The following NIBAN2 variants were observed in gnomAD, a reference collection of about 807,000 sequenced individuals.
NIBAN2 encodes the protein niban apoptosis regulator 2, also known as protein Niban 2.
In NIBAN2, 36 loss-of-function variants were observed where a neutral mutation model predicts 81.8. That is an observed-to-expected ratio of 0.44 (90% CI 0.34 to 0.58). The LOEUF is 0.58. NIBAN2 is among the 20% of genes least tolerant of loss of function. The probability of loss-of-function intolerance (pLI) is 0.02; values close to 1 mark genes in which losing one functional copy is unlikely to be tolerated. For synonymous variants in NIBAN2, 445 were observed against 441.6 expected (o/e 1.01, Z -0.10); for missense variants, 897 against 1,014.1 (o/e 0.88, Z 1.57).
rs1264614319 is a variant in NIBAN2 at position 127,559,950 on chromosome 9, A to G, written c.55+8870T>C. ...CTCACCGACCCTGCACAACAGCCTC[A>G]GGGGCCTGGGATACTGCTGTGTCCA... On this transcript the variant is annotated intron_variant, in intron 1 of 13. Coordinates refer to ENST00000373312, the MANE Select transcript of NIBAN2 (RefSeq NM_022833.4). This position sits in a 1 kb window ranked among gnomAD's most constrained non-coding sequence, Gnocchi z 4.0. Among the ~76,000 whole-genome samples, 2 of 152,198 alleles carry G rather than the reference A, an allele frequency of 1.3e-5. No individual in the cohort carries two copies. The highest frequency in any genetic ancestry group is 6.5e-5 in the Admixed American group (1 of 15,284).
Position 127,569,050 on chromosome 9 carries a change from C to G in NIBAN2, c.-176G>C. 1 of 1,092,882 alleles carries G rather than the reference C, an allele frequency of 9.2e-7. No individual in the cohort carries two copies. Among genetic ancestry groups the G allele is most frequent in the Non-Finnish European group, 1.1e-6 (1 of 900,622 alleles). 67.7% of individuals were successfully genotyped at this position (1,092,882 alleles called of 1,614,324 possible). On this transcript the variant is annotated 5_prime_UTR_variant, in exon 1 of 14. Transcript: ENST00000373312. ...GCTCCGGCTCCGCTCCCGGTCGGGCCCCGTCCCTCCAGCCGGCCGCCTTGG... is the reference window on the plus strand; with the variant it reads ...GCTCCGGCTCCGCTCCCGGTCGGGCGCCGTCCCTCCAGCCGGCCGCCTTGG...
At chr9:127,519,883 G>A (rs960474378) in intron 5 of NIBAN2, among the ~76,000 whole-genome samples, 2 of 152,222 alleles carry the variant, frequency 1.3e-5, no homozygotes, top group African/African-American at 4.8e-5. Context: ...GTTTTGACTG[G>A]AAAATCTGGA....
At chr9:127,550,944 C>G (rs891070803) in intron 1 of NIBAN2, among the ~76,000 whole-genome samples, 2 of 152,020 alleles carry the variant, frequency 1.3e-5, no homozygotes, top group Non-Finnish European at 2.9e-5. Flanking sequence ...TGCACTTCAA[C>G]CCCCTGTCCC....
chr9:127,550,616 C>T (rs891033355), intron 1 of NIBAN2, among the ~76,000 whole-genome samples: 4 of 152,172 alleles, frequency 2.6e-5, no homozygotes, highest in Admixed American at 1.3e-4. Context: ...TGTTAAGACA[C>T]CAGAGGAGGA....
intron 1 of NIBAN2, among the ~76,000 whole-genome samples, chr9:127,546,712 G>A (rs1221074024): frequency 6.6e-6 from 1 of 152,166 alleles, no homozygotes; most frequent in Admixed American, 6.5e-5. Context: ...GAGGCTCTGA[G>A]GCTTCATCAC....
At chr9:127,544,023 ATAC>A (rs574060654) in intron 1 of NIBAN2, among the ~76,000 whole-genome samples, 17 of 151,940 alleles carry the variant, frequency 1.1e-4, no homozygotes, top group South Asian at 1.0e-3. Flanking sequence ...GACTTTCCCG[ATAC>A]TACACAGGGA....
intron 1 of NIBAN2, among the ~76,000 whole-genome samples, chr9:127,576,784 A>G (rs1308665515): frequency 6.7e-6 from 1 of 149,654 alleles, no homozygotes; most frequent in African/African-American, 2.5e-5. Context: ...TTGCTCTGTC[A>G]CCAGGCTGGA....
Position 127,544,793 on chromosome 9 carries a change from C to T in NIBAN2, c.56-13015G>A, listed in dbSNP as rs374165943. 3.2e-3 allele frequency among the ~76,000 whole-genome samples: 488 copies of T among 152,324 alleles called. 1 individual carries two copies. Among genetic ancestry groups the T allele is most frequent in the African/African-American group, 0.011 (472 of 41,578 alleles). On this transcript the variant is annotated intron_variant, in intron 1 of 13. Coordinates refer to ENST00000373312, the MANE Select transcript of NIBAN2 (RefSeq NM_022833.4). Reference sequence around the variant, plus strand: ...TGCTAGGATTACAGGCATGAGCCACCGCACCCGGCCATGGCTGTTATCTTG... The same window carrying T: ...TGCTAGGATTACAGGCATGAGCCACTGCACCCGGCCATGGCTGTTATCTTG...
intron 1 of NIBAN2, among the ~76,000 whole-genome samples, chr9:127,562,454 T>C (rs1837790228): frequency 6.6e-6 from 1 of 152,230 alleles, no homozygotes; most frequent in Admixed American, 6.5e-5. Context: ...GCCTGATTAC[T>C]GCCCCTCCCT....
chr9:127,556,801 G>A (rs1384143033), intron 1 of NIBAN2, among the ~76,000 whole-genome samples: 1 of 151,336 alleles, frequency 6.6e-6, no homozygotes, highest in Middle Eastern at 3.2e-3. Flanking sequence ...CGGGCTGGGC[G>A]TGGTGGCTCA....
chr9:127,511,360 TTTA>T (rs1279221490), intron 8 of NIBAN2, among the ~76,000 whole-genome samples: 1 of 151,654 alleles, frequency 6.6e-6, no homozygotes, highest in Non-Finnish European at 1.5e-5. Flanking sequence ...CATCAATACT[TTTA>T]TTATTATTAT....
At chr9:127,555,594 G>A (rs528313950) in intron 1 of NIBAN2, among the ~76,000 whole-genome samples, 12 of 152,260 alleles carry the variant, frequency 7.9e-5, no homozygotes, top group East Asian at 1.9e-4. Flanking sequence ...GGAGGGTCAC[G>A]TGAACAGCAC....
At chr9:127,551,351 C>T (rs912269246) in intron 1 of NIBAN2, among the ~76,000 whole-genome samples, 5 of 151,924 alleles carry the variant, frequency 3.3e-5, no homozygotes, top group Non-Finnish European at 5.9e-5. Flanking sequence ...GGTGAAACCC[C>T]GTCTCTACTA....
chr9:127,508,352 G>A lies in NIBAN2; in HGVS notation c.1434+70C>T. On this transcript the variant is annotated intron_variant, in intron 11 of 13. Transcript: ENST00000373312. This position sits in a 1 kb window ranked among gnomAD's most constrained non-coding sequence, Gnocchi z 6.4. ...CCTTGCAGGGACAGCAATCCTGGTG[G>A]TGGCCGGGGATGAGGCTCGGGGCTC... 7.0e-7 allele frequency: 1 copy of A among 1,428,484 alleles called. No individual in the cohort carries two copies. The highest frequency in any genetic ancestry group is 9.8e-7 in the Non-Finnish European group (1 of 1,021,948). The allele number at this position is 1,428,484 out of a possible 1,614,324, so 88.5% of individuals were successfully genotyped here. A position where few individuals can be genotyped will look rare whatever the true frequency, so the allele number is the denominator to read the frequency against.
At position 127,509,036 on chromosome 9, in the gene NIBAN2, C is replaced by T. The variant is rs752880859; in HGVS notation, c.1257G>A (p.Gln419=). 1.9e-6 allele frequency: 3 copies of T among 1,614,004 alleles called. No individual in the cohort carries two copies. Among genetic ancestry groups the T allele is most frequent in the Non-Finnish European group, 2.5e-6 (3 of 1,179,996 alleles). ...MESLRLDGLQ[Q]RFDVSSTSVF... The stretch of plus-strand genomic sequence containing the variant: ...CGGACGTGCTGGACACATCAAATCG[C>T]TGCTGCAGCCCGTCCAGTCGCAGCG... The change falls in exon 10 of 14, where the codon CAG becomes CAA. Residue 419 remains glutamine (Q), a synonymous_variant. Coordinates refer to ENST00000373312, the MANE Select transcript of NIBAN2 (RefSeq NM_022833.4).
Position 127,527,199 on chromosome 9 carries a change from T to C in NIBAN2, c.310A>G (p.Lys104Glu), listed in dbSNP as rs752137422. 1.8e-5 allele frequency: 29 copies of C among 1,613,158 alleles called. No homozygotes were observed. In the East Asian group the frequency reaches 6.5e-4, roughly 36 times the overall value. ...CGCCCGGGGCCAGGCCTCACCGCTT[T>C]GTTTTCGTAGAGCACCAGCCCGTAG... The part of the protein sequence containing the change: ...HNYGLVLYEN[K>E]AAYERQVPPR... The change falls in exon 3 of 14, where the codon AAA (lysine) becomes GAA (glutamate). Residue 104 changes from lysine (K) to glutamate (E), a missense_variant. Lys to Glu is a moderately conservative substitution (Grantham distance 56). Coordinates refer to ENST00000373312, the MANE Select transcript of NIBAN2 (RefSeq NM_022833.4).
chr9:127,508,104 T>C lies in NIBAN2; in HGVS notation c.1531A>G (p.Thr511Ala). 1.9e-6 allele frequency: 3 copies of C among 1,613,350 alleles called. No individual in the cohort carries two copies. The highest frequency in any genetic ancestry group is 1.7e-6 in the Non-Finnish European group (2 of 1,179,880). Residue 511 changes from threonine (T) to alanine (A), a missense_variant, in exon 12 of 14, where the codon ACC becomes GCC. Physicochemically the swap from Thr to Ala is moderately conservative, Grantham distance 58. Transcript: ENST00000373312. This position sits in a 1 kb window ranked among gnomAD's most constrained non-coding sequence, Gnocchi z 6.4. The stretch of plus-strand genomic sequence containing the variant: ...TGGGGGCTGCTCACCGACTTGCAGG[T>C]AGGGGCCAGCTTCTTGAGCAGGAAC... ...IPFLLKKLAP[T>A]CKSELPRFQE... is the part of the protein sequence containing the mutation.
intron 1 of NIBAN2, among the ~76,000 whole-genome samples, chr9:127,535,464 G>A (rs961805179): frequency 2.0e-5 from 3 of 152,192 alleles, no homozygotes; most frequent in African/African-American, 4.8e-5. Context: ...GCTGTGGACT[G>A]GAGAGGAAGC....
intron 1 of NIBAN2, among the ~76,000 whole-genome samples, chr9:127,554,542 CTTTT>C (rs1491507396): frequency 1.9e-5 from 2 of 108,106 alleles, no homozygotes; most frequent in African/African-American, 3.8e-5. Context: ...TTTTCTTTTT[CTTTT>C]TCTTTTTTTT....
Sources: gnomAD v4.1 joint callset for allele counts (sites outside exome capture counted in the v4.1 genomes callset) on GRCh38, gnomAD v4.1.1 for gene constraint, Gnocchi (gnomAD v3.1) non-coding constraint, MANE v1.5 for transcripts, NCBI Gene and HGNC (gene_info 2026-07-23, HGNC 2026-07-21) for gene names.